The following SLC24A2 variants were observed in gnomAD, a reference collection of about 807,000 sequenced individuals.
SLC24A2 encodes solute carrier family 24 member 2, also known as sodium/potassium/calcium exchanger 2.
In SLC24A2, 36 loss-of-function variants were observed where a neutral mutation model predicts 62.0. The ratio of observed to expected loss-of-function variants is 0.58; its 90% CI spans 0.44 to 0.77. The LOEUF is 0.77. Among genes scored for constraint, SLC24A2 ranks in the 30% least tolerant of loss-of-function variants. The pLI is 0.00. For missense variants in SLC24A2, 846 were observed against 817.9 expected (o/e 1.03, Z -0.42); for synonymous variants, 358 against 294.0 (o/e 1.22, Z -2.23).
chr9:20,176,948 A>G, the SLC24A2 span, among the ~76,000 whole-genome samples: 1 of 152,070 alleles, frequency 6.6e-6, no homozygotes, highest in Non-Finnish European at 1.5e-5. Context: ...CTTCCTTACT[A>G]TCCATTGTTC....
intron 2 of SLC24A2, among the ~76,000 whole-genome samples, chr9:19,638,209 A>G (rs1818407069): frequency 6.6e-6 from 1 of 152,112 alleles, no homozygotes; most frequent in Admixed American, 6.5e-5. Flanking sequence ...GTCAGGTGAG[A>G]TTGGAGAATT....
the SLC24A2 span, among the ~76,000 whole-genome samples, chr9:20,239,990 G>T: frequency 6.6e-6 from 1 of 151,990 alleles, no homozygotes; most frequent in African/African-American, 2.4e-5. Context: ...CTGTCTAGTG[G>T]TAACCATCCG....
chr9:19,852,756 T>TC, the SLC24A2 span, among the ~76,000 whole-genome samples: 1 of 152,156 alleles, frequency 6.6e-6, no homozygotes, highest in African/African-American at 2.4e-5. Context: ...TAAAATGATG[T>TC]CTCCAGCTTT....
the SLC24A2 span, among the ~76,000 whole-genome samples, chr9:20,291,074 C>T: frequency 3.9e-4 from 60 of 152,294 alleles, no homozygotes; most frequent in African/African-American, 1.4e-3. Flanking sequence ...TGTACAACCA[C>T]ACATATCAAC....
At chr9:20,061,515 G>A in the SLC24A2 span, among the ~76,000 whole-genome samples, 1 of 151,998 alleles carries the variant, frequency 6.6e-6, no homozygotes, top group Non-Finnish European at 1.5e-5. Context: ...TTGAGCTCCT[G>A]ACCTCAAATG....
chr9:19,694,875 T>C (rs544998659), intron 2 of SLC24A2, among the ~76,000 whole-genome samples: 2 of 151,950 alleles, frequency 1.3e-5, no homozygotes, highest in Non-Finnish European at 2.9e-5. Flanking sequence ...AGAGTGAAAA[T>C]GGAGGAACTG....
the SLC24A2 span, among the ~76,000 whole-genome samples, chr9:19,906,655 G>T: frequency 2.0e-5 from 3 of 152,116 alleles, no homozygotes; most frequent in South Asian, 2.1e-4. Flanking sequence ...TATCACCACC[G>T]ATCCCACAGA....
At chr9:20,180,894 G>T in the SLC24A2 span, among the ~76,000 whole-genome samples, 18 of 152,058 alleles carry the variant, frequency 1.2e-4, no homozygotes, top group Non-Finnish European at 2.2e-4. Flanking sequence ...TTTCTTCCCC[G>T]TTTCTCTTGC....
intron 2 of SLC24A2, among the ~76,000 whole-genome samples, chr9:19,781,902 G>T (rs908083345): frequency 1.1e-4 from 17 of 152,310 alleles, no homozygotes; most frequent in African/African-American, 4.1e-4. Flanking sequence ...TTCACTTTAT[G>T]AAGAATGTTT....
At chr9:20,225,189 G>A in the SLC24A2 span, among the ~76,000 whole-genome samples, 64 of 152,130 alleles carry the variant, frequency 4.2e-4, no homozygotes, top group Admixed American at 1.7e-3. Context: ...GCTTGTGTAT[G>A]TATATTGAGT....
intron 2 of SLC24A2, among the ~76,000 whole-genome samples, chr9:19,686,646 AGCACTTCTCCTTCCTGCCG>A (rs1819889830): frequency 6.6e-6 from 1 of 152,068 alleles, no homozygotes; most frequent in Non-Finnish European, 1.5e-5. Flanking sequence ...CCCTTTGCTC[AGCACTTCTCCTTCCTGCCG>A]TCATGTGAAG....
In SLC24A2 at chr9:19,511,519, T is replaced by C. The variant is rs1242340528; in HGVS notation, c.*4634A>G. On this transcript the variant is annotated 3_prime_UTR_variant, in exon 11 of 11. Coordinates refer to ENST00000341998, the MANE Select transcript of SLC24A2 (RefSeq NM_020344.4). ...TTCTTGGAATCCTAGGAAATTAATA[T>C]CTCCTTTCTTCCCTTTCCTTATTAT... The C allele has an allele frequency of 1.3e-5, 2 of 152,230 alleles. No homozygotes were observed. The highest frequency in any genetic ancestry group is 2.9e-5 in the Non-Finnish European group (2 of 68,044). The allele number at this position is 152,230 out of a possible 1,614,324, so 9.4% of individuals were successfully genotyped here.
chr9:20,152,846 A>C, the SLC24A2 span, among the ~76,000 whole-genome samples: 1 of 151,830 alleles, frequency 6.6e-6, no homozygotes, highest in Non-Finnish European at 1.5e-5. Context: ...TAGGGATGGC[A>C]TCTGAGAATG....
At chr9:20,302,265 T>C in the SLC24A2 span, among the ~76,000 whole-genome samples, 11 of 152,320 alleles carry the variant, frequency 7.2e-5, no homozygotes, top group South Asian at 2.3e-3. Context: ...TGCTGGGCTG[T>C]ATGGTAAGCA....
the SLC24A2 span, among the ~76,000 whole-genome samples, chr9:20,021,173 A>C: frequency 1.3e-5 from 2 of 152,144 alleles, no homozygotes; most frequent in African/African-American, 2.4e-5. Flanking sequence ...ATAATAGAAT[A>C]ATTTTTATTT....
chr9:20,101,061 T>G, the SLC24A2 span, among the ~76,000 whole-genome samples: 25 of 152,256 alleles, frequency 1.6e-4, no homozygotes, highest in Non-Finnish European at 1.2e-4. Flanking sequence ...CACATCTTTC[T>G]GGTGATGATA....
the SLC24A2 span, among the ~76,000 whole-genome samples, chr9:20,105,316 A>G: frequency 3.9e-5 from 6 of 152,332 alleles, no homozygotes; most frequent in Admixed American, 3.3e-4. Context: ...AAGGATACCC[A>G]GGAATCGAAC....
At chr9:19,636,277 TC>T (rs1246467561) in intron 2 of SLC24A2, among the ~76,000 whole-genome samples, 189 of 12,450 alleles carry the variant, frequency 0.015, 8 homozygotes, top group African/African-American at 0.043. Flanking sequence ...TCTCTTCTTC[TC>T]TTCTTCTCTT....
chr9:20,255,044 G>C, the SLC24A2 span, among the ~76,000 whole-genome samples: 1 of 152,160 alleles, frequency 6.6e-6, no homozygotes, highest in Non-Finnish European at 1.5e-5. Flanking sequence ...TACACATGGA[G>C]ATTATTACAA....
Sources: allele counts gnomAD v4.1 joint callset (sites outside exome capture counted in the v4.1 genomes callset), GRCh38; gene constraint gnomAD v4.1.1; transcripts MANE v1.5; gene names NCBI Gene and HGNC (gene_info 2026-07-23, HGNC 2026-07-21).